The following APC variants were observed in gnomAD, a reference collection of about 807,000 sequenced individuals.
The protein encoded by APC is APC regulator of Wnt signaling pathway, also known as adenomatous polyposis coli protein.
Under a neutral mutation model 247.0 loss-of-function variants are expected in APC, and 72 were observed. The ratio of observed to expected loss-of-function variants is 0.29; its 90% CI spans 0.24 to 0.35. The LOEUF (loss-of-function observed/expected upper bound fraction) is 0.35, where lower values mean the gene tolerates loss of function less well. APC is among the 10% of genes least tolerant of loss of function. The pLI is 1.00. For missense variants in APC, 3,400 were observed against 3,360.7 expected, an observed-to-expected ratio of 1.01 and a Z score of -0.29; for synonymous variants, 1,254 against 1,162.5, an observed-to-expected ratio of 1.08 and a Z score of -1.60.
At chr5:112,769,294 G>A (rs1274907732) in intron 4 of APC, among the ~76,000 whole-genome samples, 1 of 151,824 alleles carries the variant, frequency 6.6e-6, no homozygotes, top group African/African-American at 2.4e-5. Context: ...CAGGTGATCT[G>A]CCTGCCTTGG....
chr5:112,747,761 A>G lies in APC; in HGVS notation c.-18-7112A>G, dbSNP rs114907013. 4.6e-3 allele frequency among the ~76,000 whole-genome samples: 698 copies of G among 152,344 alleles called. 7 individuals are homozygous for G. Among genetic ancestry groups the G allele is most frequent in the African/African-American group, 0.016 (677 of 41,584 alleles). ...AAAATGGATCACTGAAAAGAAATCA[A>G]GGATTCTAAGACTTCCTAGTTCTCT... On this transcript the variant is annotated intron_variant, in intron 1 of 15. Coordinates refer to ENST00000257430, the MANE Select transcript of APC (RefSeq NM_000038.6).
Position 112,838,629 on chromosome 5 carries a change from A to G in APC, c.3035A>G (p.Asn1012Ser), listed in dbSNP as rs1420016889. Residue 1012 changes from asparagine to serine, a missense_variant, in exon 16 of 16, where the codon AAT (asparagine) becomes AGT (serine). By Grantham distance (46) the Asn-to-Ser change is conservative (BLOSUM62 1). Transcript: ENST00000257430. ...CTAGCCCATAAAATACATAGTGCAA[A>G]TCATATGGATGATAATGATGGAGAA... is the stretch of plus-strand genomic sequence containing the variant. ...ADLAHKIHSA[N>S]HMDDNDGELD... The G allele has an allele frequency of 1.2e-6, 2 of 1,614,154 alleles. No homozygotes were observed. Among genetic ancestry groups the G allele is most frequent in the Non-Finnish European group, 1.7e-6 (2 of 1,180,018 alleles).
At chr5:112,730,476 A>C (rs1752045301) in intron 1 of APC, among the ~76,000 whole-genome samples, 1 of 152,218 alleles carries the variant, frequency 6.6e-6, no homozygotes, top group South Asian at 2.1e-4. Flanking sequence ...AATTTCTTTG[A>C]GCCTCAATTT....
chr5:112,843,555 CAG>C lies in APC; in HGVS notation c.7964_7965del (p.Glu2655GlyfsTer7), dbSNP rs2149997043. The C allele has an allele frequency of 1.2e-6, 2 of 1,613,910 alleles. No individual in the cohort carries two copies. The highest frequency in any genetic ancestry group is 1.7e-6 in the Non-Finnish European group (2 of 1,179,846). ...CAAATGGCACCTGCTGTTTCTAAAACAGAGGATGTTTGGGTGAGAATTGAGGA... is the reference window on the plus strand; with the variant it reads ...CAAATGGCACCTGCTGTTTCTAAAACAGGATGTTTGGGTGAGAATTGAGGA... On this transcript the variant is annotated frameshift_variant, in exon 16 of 16. Coordinates refer to ENST00000257430, the MANE Select transcript of APC (RefSeq NM_000038.6). LOFTEE classifies it high-confidence loss of function. The surrounding 1 kb of genome is among the most constrained non-coding windows in gnomAD (Gnocchi z 4.8).
intron 7 of APC, among the ~76,000 whole-genome samples, chr5:112,799,183 CAAAAAAAAAAAA>C (rs754181440): frequency 1.3e-5 from 1 of 79,888 alleles, no homozygotes; most frequent in Admixed American, 1.4e-4. Flanking sequence ...GACTCTGTCT[CAAAAAAAAAAAA>C]AAAAAAAAAG....
intron 8 of APC, among the ~76,000 whole-genome samples, chr5:112,802,967 TAAAATG>T (rs1760993618): frequency 6.6e-6 from 1 of 152,008 alleles, no homozygotes; most frequent in Non-Finnish European, 1.5e-5. Context: ...AAAATAAAAT[TAAAATG>T]GGCAAAGGAT....
chr5:112,778,747 G>A (rs1757991231), intron 5 of APC, among the ~76,000 whole-genome samples: 1 of 152,038 alleles, frequency 6.6e-6, no homozygotes, highest in Admixed American at 6.6e-5. Flanking sequence ...GTTTTGATGT[G>A]TTAGCCAGGA....
Position 112,837,535 on chromosome 5 carries a change from C to G in APC, c.1959-18C>G, listed in dbSNP as rs766663675. 1.3e-6 allele frequency: 2 copies of G among 1,594,120 alleles called. No individual in the cohort carries two copies. The highest frequency in any genetic ancestry group is 1.7e-4 in the Middle Eastern group (1 of 6,040). On this transcript the variant is annotated intron_variant, in intron 15 of 15. Transcript: ENST00000257430. Reference sequence around the variant, plus strand: ...CACATTGTGACCTTAATTTTGTGATCTCTTGATTTTATTTCAGGCAAATCC... The same window carrying G: ...CACATTGTGACCTTAATTTTGTGATGTCTTGATTTTATTTCAGGCAAATCC...
Position 112,841,182 on chromosome 5 carries a change from G to A in APC, c.5588G>A (p.Ser1863Asn), listed in dbSNP as rs2149943989. 1 of 1,613,898 alleles carries A rather than the reference G, an allele frequency of 6.2e-7. No individual in the cohort carries two copies. Among genetic ancestry groups the A allele is most frequent in the Non-Finnish European group, 8.5e-7 (1 of 1,179,864 alleles). ...PYCFSRNDSL[S>N]SLDFDDDDVD... ...TGTTTTTCACGAAATGATTCTTTGA[G>A]TTCTCTAGATTTTGATGATGATGAT... The change falls in exon 16 of 16, where the codon AGT (serine) becomes AAT (asparagine). Residue 1863 changes from serine to asparagine, a missense_variant. Physicochemically the swap from Ser to Asn is conservative, Grantham distance 46. Around this residue, in one of 9 missense-constraint regions of APC, gnomAD observed 1,788 missense variants for 1,649.5 expected, o/e 1.08. Transcript: ENST00000257430. The surrounding 1 kb of genome is among the most constrained non-coding windows in gnomAD (Gnocchi z 4.6).
intron 2 of APC, among the ~76,000 whole-genome samples, chr5:112,758,570 C>T (rs1008496357): frequency 5.9e-5 from 9 of 151,998 alleles, no homozygotes; most frequent in Middle Eastern, 3.4e-3. Flanking sequence ...CGTGATCCAC[C>T]GCCTCGGCCT....
intron 5 of APC, among the ~76,000 whole-genome samples, chr5:112,778,740 T>A (rs1319918883): frequency 6.6e-6 from 1 of 152,144 alleles, no homozygotes; most frequent in African/African-American, 2.4e-5. Flanking sequence ...AGACAAGGTT[T>A]TGATGTGTTA....
At chr5:112,815,278 C>T (rs535414311) in intron 8 of APC, among the ~76,000 whole-genome samples, 1 of 152,266 alleles carries the variant, frequency 6.6e-6, no homozygotes, top group South Asian at 2.1e-4. Flanking sequence ...CAGTTTAATG[C>T]TCATATGCAA....
chr5:112,767,112 A>T, intron 3 of APC, 77 bp from the exon 4 acceptor site: 1 of 1,223,504 alleles, frequency 8.2e-7, no homozygotes, highest in Non-Finnish European at 1.2e-6. Flanking sequence ...ATTTCACTTT[A>T]AAATAATATA....
At chr5:112,817,425 A>G (rs1211814221) in intron 9 of APC, among the ~76,000 whole-genome samples, 3 of 152,168 alleles carry the variant, frequency 2.0e-5, no homozygotes, top group African/African-American at 7.2e-5. Context: ...GGGACCTCAT[A>G]TGCCATTCAC....
At chr5:112,711,963 TCTC>T (rs1285667701) in intron 1 of APC, among the ~76,000 whole-genome samples, 4 of 152,168 alleles carry the variant, frequency 2.6e-5, no homozygotes, top group Admixed American at 1.3e-4. Context: ...GAAGGCCACT[TCTC>T]CTAGCCTTTT....
upstream of APC, among the ~76,000 whole-genome samples, chr5:112,735,093 C>T (rs1752308517): frequency 6.6e-6 from 1 of 152,042 alleles, no homozygotes; most frequent in South Asian, 2.1e-4. Context: ...TTATAACAAA[C>T]ACTGATACTG....
Position 112,775,429 on chromosome 5 carries a change from C to A in APC, c.423-200C>A, listed in dbSNP as rs189044946. On this transcript the variant is annotated intron_variant, in intron 4 of 15. Coordinates refer to ENST00000257430, the MANE Select transcript of APC (RefSeq NM_000038.6). ...TACCAGTTTATTTAGAAAAAAAGTT[C>A]TTTTTAATACTCTAATTTTAATGAC... Among the ~76,000 whole-genome samples the A allele has an allele frequency of 8.7e-4, 132 of 151,854 alleles. 1 individual carries two copies. The highest frequency in any genetic ancestry group is 5.5e-4 in the Non-Finnish European group (37 of 67,854).
At position 112,840,353 on chromosome 5, in the gene APC, T is replaced by TCATCACGTAAAGCAAAAAAGC; in HGVS notation, c.4762_4782dup (p.Ser1588_Pro1594dup). The TCATCACGTAAAGCAAAAAAGC allele has an allele frequency of 6.2e-7, 1 of 1,614,132 alleles. No individual in the cohort carries two copies. Among genetic ancestry groups the TCATCACGTAAAGCAAAAAAGC allele is most frequent in the Non-Finnish European group, 8.5e-7 (1 of 1,180,020 alleles). On this transcript the variant is annotated inframe_insertion, in exon 16 of 16. Coordinates refer to ENST00000257430, the MANE Select transcript of APC (RefSeq NM_000038.6). The surrounding 1 kb of genome is among the most constrained non-coding windows in gnomAD (Gnocchi z 4.1). ...TATTATTTCTGCCATGCCAACAAAG[T>TCATCACGTAAAGCAAAAAAGC]CATCACGTAAAGCAAAAAAGCCAGC...
chr5:112,752,322 T>C (rs1259511298), intron 1 of APC, among the ~76,000 whole-genome samples: 2 of 152,198 alleles, frequency 1.3e-5, no homozygotes, highest in Admixed American at 6.5e-5. Context: ...ATCCTCCACA[T>C]TTAATTCTGA....
Sources: allele counts gnomAD v4.1 joint callset (sites outside exome capture counted in the v4.1 genomes callset), GRCh38; gene constraint gnomAD v4.1.1; regional missense constraint gnomAD v4.1.1; non-coding constraint Gnocchi (gnomAD v3.1); transcripts MANE v1.5; gene names NCBI Gene and HGNC (gene_info 2026-07-23, HGNC 2026-07-21).